The following MLIP variants were observed in gnomAD, a reference collection of about 807,000 sequenced individuals.
MLIP encodes muscular LMNA-interacting protein.
MLIP carries 79 observed loss-of-function variants against 84.8 expected under a neutral mutation model. That is an observed-to-expected ratio of 0.93 (90% CI 0.78 to 1.12). The LOEUF (loss-of-function observed/expected upper bound fraction) is 1.12, where lower values mean the gene tolerates loss of function less well. Among genes scored for constraint, MLIP ranks in the 50% most tolerant of loss-of-function variants. The pLI, the probability that MLIP is intolerant of heterozygous loss-of-function variation, is 0.00. For missense variants in MLIP, 1,257 were observed against 1,160.6 expected, an observed-to-expected ratio of 1.08 and a Z score of -1.21; for synonymous variants, 504 against 463.0, an observed-to-expected ratio of 1.09 and a Z score of -1.14.
chr6:54,170,079 T>C (rs1775621348), intron 9 of MLIP, among the ~76,000 whole-genome samples: 1 of 151,678 alleles, frequency 6.6e-6, no homozygotes, highest in Admixed American at 6.6e-5. Flanking sequence ...TCAATTCAAA[T>C]AATTATGAGT....
At chr6:54,240,768 A>C (rs1781683374) in intron 12 of MLIP, among the ~76,000 whole-genome samples, 1 of 152,122 alleles carries the variant, frequency 6.6e-6, no homozygotes, top group African/African-American at 2.4e-5. Context: ...CGAGGTCTGG[A>C]GTTCCAGACC....
At chr6:54,136,661 G>T (rs1771821968) in intron 3 of MLIP, 54 bp from the exon 4 acceptor site, 2 of 1,368,430 alleles carry the variant, frequency 1.5e-6, no homozygotes, top group South Asian at 1.8e-5. Flanking sequence ...AGAATATTTT[G>T]ATCGTTTCAC....
intron 12 of MLIP, among the ~76,000 whole-genome samples, chr6:54,239,925 G>A (rs1215386336): frequency 1.3e-5 from 2 of 152,032 alleles, no homozygotes; most frequent in East Asian, 3.8e-4. Context: ...GTGCCCCTCT[G>A]TTTATCAGAA....
chr6:54,193,942 T>A (rs1413310250), intron 10 of MLIP, among the ~76,000 whole-genome samples: 2 of 152,156 alleles, frequency 1.3e-5, no homozygotes, highest in African/African-American at 4.8e-5. Flanking sequence ...TGGTCTTCTT[T>A]GGCAGTAGGG....
At chr6:54,182,883 A>G (rs1412550854) in intron 9 of MLIP, among the ~76,000 whole-genome samples, 2 of 152,214 alleles carry the variant, frequency 1.3e-5, no homozygotes, top group Non-Finnish European at 2.9e-5. Context: ...AACTTATTTT[A>G]TAAATCCTCT....
chr6:54,183,425 A>T (rs1777081332), intron 9 of MLIP, among the ~76,000 whole-genome samples: 1 of 152,188 alleles, frequency 6.6e-6, no homozygotes, highest in Non-Finnish European at 1.5e-5. Flanking sequence ...AGATTGAATG[A>T]GACAAACCTT....
intron 12 of MLIP, among the ~76,000 whole-genome samples, chr6:54,248,127 C>T (rs1277123441): frequency 6.6e-6 from 1 of 151,898 alleles, no homozygotes; most frequent in Non-Finnish European, 1.5e-5. Flanking sequence ...TTATGTCACA[C>T]TGGAATAAGA....
chr6:54,170,843 A>G lies in MLIP; in HGVS notation c.2544+1271A>G, dbSNP rs185451707. Among the ~76,000 whole-genome samples, 60 of 151,104 alleles carry G rather than the reference A, an allele frequency of 4.0e-4. 1 individual carries two copies. The East Asian group carries it at 0.011, about 28-fold the overall frequency. Reference sequence around the variant, plus strand: ...ATATCTCCTTTCTTCTCTTCCTCTTATCTATCTTTGGAAGACTAGAAATAT... The same window carrying G: ...ATATCTCCTTTCTTCTCTTCCTCTTGTCTATCTTTGGAAGACTAGAAATAT... On this transcript the variant is annotated intron_variant, in intron 9 of 13. Coordinates refer to ENST00000502396, the MANE Select transcript of MLIP (RefSeq NM_001281747.2).
In MLIP at chr6:54,236,403, C is replaced by T. The variant is rs930412154; in HGVS notation, c.2922+5486C>T. On this transcript the variant is annotated intron_variant, in intron 12 of 13. Transcript: ENST00000502396. ...ATCACCTGAGGTCAGGAGTTGGAGA[C>T]CAGCCTGGCCAACATGGTGAAACCA... Among the ~76,000 whole-genome samples, 3 of 152,152 alleles carry T rather than the reference C, an allele frequency of 2.0e-5. No homozygotes were observed. The East Asian group carries it at 5.8e-4, about 29-fold the overall frequency.
intron 13 of MLIP, among the ~76,000 whole-genome samples, chr6:54,262,398 A>G (rs998108574): frequency 6.6e-6 from 1 of 152,074 alleles, no homozygotes; most frequent in Non-Finnish European, 1.5e-5. Flanking sequence ...CTCAAGATCA[A>G]CAATAATTAA....
chr6:54,153,501 C>T (rs1243212665), intron 5 of MLIP, among the ~76,000 whole-genome samples: 2 of 151,970 alleles, frequency 1.3e-5, no homozygotes, highest in Admixed American at 6.6e-5. Context: ...GCATGAGTTG[C>T]TAAACTCCAA....
At chr6:54,233,617 T>C (rs1400983242) in intron 12 of MLIP, among the ~76,000 whole-genome samples, 1 of 152,220 alleles carries the variant, frequency 6.6e-6, no homozygotes, top group South Asian at 2.1e-4. Context: ...TTTGCTATTG[T>C]GAATAGTGCT....
intron 11 of MLIP, chr6:54,216,371 C>A: frequency 1.0e-6 from 1 of 985,288 alleles, no homozygotes; most frequent in Non-Finnish European, 1.2e-6. Context: ...AATAAAAGAC[C>A]AGAATCCAAC....
At chr6:54,155,452 T>G (rs1773922948) in intron 5 of MLIP, among the ~76,000 whole-genome samples, 1 of 152,088 alleles carries the variant, frequency 6.6e-6, no homozygotes, top group South Asian at 2.1e-4. Flanking sequence ...ATCTAATAAC[T>G]CAGGAATGAA....
At chr6:54,216,191 A>T (rs966637327) in intron 11 of MLIP, 1 of 985,282 alleles carries the variant, frequency 1.0e-6, no homozygotes, top group Admixed American at 6.1e-5. Context: ...TTTCCTTTAG[A>T]ATCACTTCAA....
rs539760659 is a variant in MLIP at position 54,207,845 on chromosome 6, C to T, written c.2718+5612C>T. Among the ~76,000 whole-genome samples the T allele has an allele frequency of 1.4e-4, 21 of 152,306 alleles. No homozygotes were observed. The South Asian group carries it at 4.4e-3, about 32-fold the overall frequency. ...TTTAGAACCTCTCATACAAAGTACACTCCAGTTTAAAAATAGGTCTTTGTA... is the reference window on the plus strand; with the variant it reads ...TTTAGAACCTCTCATACAAAGTACATTCCAGTTTAAAAATAGGTCTTTGTA... On this transcript the variant is annotated intron_variant, in intron 11 of 13. Transcript: ENST00000502396.
upstream of MLIP, among the ~76,000 whole-genome samples, chr6:54,110,258 C>A (rs1336679508): frequency 1.3e-5 from 2 of 152,062 alleles, no homozygotes; most frequent in Non-Finnish European, 2.9e-5. Context: ...GCTGGGATTA[C>A]AGGCATGAGC....
chr6:54,181,952 C>G (rs1035209103), intron 9 of MLIP, among the ~76,000 whole-genome samples: 21 of 152,168 alleles, frequency 1.4e-4, no homozygotes, highest in African/African-American at 4.3e-4. Flanking sequence ...ACTTTTGTTG[C>G]TGCGAGCAGC....
intron 11 of MLIP, among the ~76,000 whole-genome samples, chr6:54,226,294 G>T (rs1045517750): frequency 6.6e-6 from 1 of 152,208 alleles, no homozygotes; most frequent in Non-Finnish European, 1.5e-5. Context: ...AGGGGACTAA[G>T]TGATGCTATA....
Sources: gnomAD v4.1 joint callset for allele counts (sites outside exome capture counted in the v4.1 genomes callset) on GRCh38, gnomAD v4.1.1 for gene constraint, MANE v1.5 for transcripts, NCBI Gene and HGNC (gene_info 2026-07-23, HGNC 2026-07-21) for gene names.